ALK: variants seen among roughly 807,000 people sequenced by gnomAD.
ALK encodes ALK receptor tyrosine kinase.
ALK carries 74 observed loss-of-function variants against 163.1 expected under a neutral mutation model. That is an observed-to-expected ratio of 0.45 (90% CI 0.38 to 0.55). The LOEUF (loss-of-function observed/expected upper bound fraction) is 0.55. ALK is among the 20% of genes least tolerant of loss of function. ALK has a pLI of 0.00. For synonymous variants in ALK, 960 were observed against 843.2 expected, an observed-to-expected ratio of 1.14 and a Z score of -2.40; for missense variants, 2,063 against 2,105.3, an observed-to-expected ratio of 0.98 and a Z score of 0.39.
intron 2 of ALK, among the ~76,000 whole-genome samples, chr2:29,706,357 A>G (rs549443785): frequency 6.6e-6 from 1 of 152,234 alleles, no homozygotes; most frequent in South Asian, 2.1e-4. Context: ...TTTGTTATTA[A>G]TCCACCAGCT....
chr2:29,790,567 T>C lies in ALK; in HGVS notation c.668-72870A>G, dbSNP rs192861481. Among the ~76,000 whole-genome samples the C allele has an allele frequency of 2.0e-5, 3 of 152,318 alleles. No individual in the cohort carries two copies. In the East Asian group the frequency reaches 5.8e-4, roughly 29 times the overall value. ...CTACCCATTGCTATTTCTGACATAT[T>C]GACATTGGAACACACACACACAAAA... is the stretch of plus-strand genomic sequence containing the variant. On this transcript the variant is annotated intron_variant, in intron 1 of 28. Transcript: ENST00000389048.
intron 3 of ALK, among the ~76,000 whole-genome samples, chr2:29,654,532 T>C (rs1002983319): frequency 1.3e-5 from 2 of 152,130 alleles, no homozygotes; most frequent in Admixed American, 1.3e-4. Context: ...AGGGGAACAC[T>C]GAATATGAAA....
At chr2:29,342,115 A>G (rs1219039219) in intron 5 of ALK, among the ~76,000 whole-genome samples, 2 of 152,206 alleles carry the variant, frequency 1.3e-5, no homozygotes, top group Non-Finnish European at 2.9e-5. Flanking sequence ...AAGATGACTG[A>G]TTTGGTATGG....
At chr2:29,455,999 C>T (rs567188279) in intron 4 of ALK, among the ~76,000 whole-genome samples, 3 of 152,226 alleles carry the variant, frequency 2.0e-5, no homozygotes, top group East Asian at 3.9e-4. Context: ...GGTGGGAATA[C>T]CACTTTATAT....
intron 1 of ALK, among the ~76,000 whole-genome samples, chr2:29,844,888 C>CACAG (rs1665801069): frequency 6.6e-6 from 1 of 150,808 alleles, no homozygotes; most frequent in African/African-American, 2.5e-5. Flanking sequence ...CACACACACA[C>CACAG]AGAGGCACAC....
chr2:29,638,356 T>C (rs1221669604), intron 3 of ALK, among the ~76,000 whole-genome samples: 1 of 152,178 alleles, frequency 6.6e-6, no homozygotes, highest in Non-Finnish European at 1.5e-5. Context: ...GTATACACCT[T>C]CCAAGAGCTC....
chr2:29,203,271 G>A (rs548359586), intron 26 of ALK, among the ~76,000 whole-genome samples: 1 of 151,960 alleles, frequency 6.6e-6, no homozygotes, highest in East Asian at 1.9e-4. Context: ...ATTTGTGGCC[G>A]CACCATCTTA....
intron 1 of ALK, among the ~76,000 whole-genome samples, chr2:29,730,124 G>A (rs1351531854): frequency 6.6e-6 from 1 of 152,246 alleles, no homozygotes; most frequent in Non-Finnish European, 1.5e-5. Context: ...CCCTTGGCAA[G>A]GACCTGCCAT....
At chr2:29,365,788 G>GACCTTTATAAAA (rs1416023021) in intron 5 of ALK, among the ~76,000 whole-genome samples, 11 of 152,108 alleles carry the variant, frequency 7.2e-5, no homozygotes, top group African/African-American at 1.9e-4. Flanking sequence ...TCTCCATAAA[G>GACCTTTATAAAA]ACCTTTATAA....
chr2:29,295,930 T>G (rs1007090879), intron 9 of ALK, among the ~76,000 whole-genome samples: 3 of 152,128 alleles, frequency 2.0e-5, no homozygotes, highest in African/African-American at 7.2e-5. Context: ...CCCTCTTTTG[T>G]CTGGAACAGA....
intron 4 of ALK, among the ~76,000 whole-genome samples, chr2:29,428,764 G>A (rs1400033407): frequency 2.0e-5 from 3 of 151,972 alleles, no homozygotes; most frequent in Admixed American, 6.5e-5. Flanking sequence ...ATTCTACGAT[G>A]TCAGTATTAT....
At chr2:29,240,805 C>G (rs1429670589) in intron 12 of ALK, among the ~76,000 whole-genome samples, 1 of 152,108 alleles carries the variant, frequency 6.6e-6, no homozygotes, top group Non-Finnish European at 1.5e-5. Context: ...CAAATGTGTC[C>G]CCAGGGACCA....
chr2:29,900,995 G>GCAAGCA (rs1553377658), intron 1 of ALK, among the ~76,000 whole-genome samples: 27 of 148,714 alleles, frequency 1.8e-4, no homozygotes, highest in African/African-American at 6.7e-4. Flanking sequence ...GAGAGAGAGA[G>GCAAGCA]AGCAAGCAAG....
intron 1 of ALK, among the ~76,000 whole-genome samples, chr2:29,796,590 A>G (rs908860004): frequency 1.3e-5 from 2 of 152,172 alleles, no homozygotes; most frequent in Non-Finnish European, 2.9e-5. Context: ...ATTTTCTTTC[A>G]GGTCCTGAGA....
At chr2:29,905,531 A>G (rs1667521195) in intron 1 of ALK, among the ~76,000 whole-genome samples, 1 of 151,536 alleles carries the variant, frequency 6.6e-6, no homozygotes, top group African/African-American at 2.4e-5. Context: ...GGTAAGAGGG[A>G]AGGAAGAGAA....
At chr2:29,263,520 T>C (rs950518454) in intron 11 of ALK, among the ~76,000 whole-genome samples, 2 of 151,968 alleles carry the variant, frequency 1.3e-5, no homozygotes, top group Admixed American at 6.6e-5. Context: ...CTAAAATAAA[T>C]TGGAGGACTG....
At chr2:29,815,753 T>C (rs1664879576) in intron 1 of ALK, among the ~76,000 whole-genome samples, 2 of 152,206 alleles carry the variant, frequency 1.3e-5, no homozygotes, top group Admixed American at 1.3e-4. Flanking sequence ...TCCTGTCCAC[T>C]GTCCTCCAAC....
At chr2:29,896,815 G>A (rs1667284740) in intron 1 of ALK, among the ~76,000 whole-genome samples, 1 of 152,198 alleles carries the variant, frequency 6.6e-6, no homozygotes, top group Non-Finnish European at 1.5e-5. Context: ...TTCATTGTAA[G>A]AAGATGCTCA....
chr2:29,524,020 G>T (rs1672888616), intron 4 of ALK, among the ~76,000 whole-genome samples: 1 of 152,064 alleles, frequency 6.6e-6, no homozygotes, highest in Non-Finnish European at 1.5e-5. Flanking sequence ...CCCAGGGAGG[G>T]TTGCACATTT....
Sources: allele counts gnomAD v4.1 joint callset (sites outside exome capture counted in the v4.1 genomes callset), GRCh38; gene constraint gnomAD v4.1.1; transcripts MANE v1.5; gene names NCBI Gene and HGNC (gene_info 2026-07-23, HGNC 2026-07-21).